Variants in SGCZ observed in about 807,000 individuals in gnomAD.
The protein encoded by SGCZ is sarcoglycan zeta, also known as zeta-sarcoglycan.
SGCZ carries 40 observed loss-of-function variants against 41.3 expected under a neutral mutation model. The ratio of observed to expected loss-of-function variants is 0.97; its 90% CI spans 0.75 to 1.26. SGCZ has a LOEUF of 1.26. SGCZ is among the 50% of genes most tolerant of loss of function. The probability of loss-of-function intolerance (pLI) is 0.00; values close to 1 mark genes in which losing one functional copy is unlikely to be tolerated. For missense variants in SGCZ, 552 were observed against 369.8 expected, an observed-to-expected ratio of 1.49 and a Z score of -4.04; for synonymous variants, 206 against 137.5, an observed-to-expected ratio of 1.50 and a Z score of -3.49.
At chr8:14,597,930 C>A (rs1259363384) in intron 1 of SGCZ, among the ~76,000 whole-genome samples, 2 of 152,142 alleles carry the variant, frequency 1.3e-5, no homozygotes, top group East Asian at 3.8e-4. Context: ...CTACAACCAT[C>A]TCAATATTTA....
intron 5 of SGCZ, among the ~76,000 whole-genome samples, chr8:14,150,306 T>C (rs1803660270): frequency 6.6e-6 from 1 of 152,092 alleles, no homozygotes; most frequent in Admixed American, 6.6e-5. Context: ...ATAACCAGAA[T>C]ACATAAGGAG....
intron 2 of SGCZ, among the ~76,000 whole-genome samples, chr8:14,382,312 T>C (rs2117193955): frequency 6.6e-6 from 1 of 152,226 alleles, no homozygotes; most frequent in Middle Eastern, 3.4e-3. Context: ...TCTGCACCAG[T>C]ATTGATTGTT....
At chr8:14,345,518 T>G (rs1453879798) in intron 2 of SGCZ, among the ~76,000 whole-genome samples, 2 of 152,128 alleles carry the variant, frequency 1.3e-5, no homozygotes. Context: ...AAACACATTA[T>G]CTCTGCAGTT....
At chr8:14,107,936 C>T (rs941813123) in intron 6 of SGCZ, among the ~76,000 whole-genome samples, 1 of 152,180 alleles carries the variant, frequency 6.6e-6, no homozygotes, top group African/African-American at 2.4e-5. Flanking sequence ...AGCCACCGTG[C>T]CCGGCCTCAG....
intron 1 of SGCZ, among the ~76,000 whole-genome samples, chr8:14,694,345 T>A (rs1463768136): frequency 1.3e-5 from 2 of 152,230 alleles, no homozygotes; most frequent in African/African-American, 4.8e-5. Context: ...AGGCAAAGAA[T>A]CTATTTTTCT....
chr8:14,441,350 G>A (rs1476355835), intron 2 of SGCZ, among the ~76,000 whole-genome samples: 1 of 152,136 alleles, frequency 6.6e-6, no homozygotes, highest in Non-Finnish European at 1.5e-5. Flanking sequence ...GCCAAGACAG[G>A]TGGATCACGA....
At chr8:14,891,441 G>C (rs1434883988) in intron 1 of SGCZ, among the ~76,000 whole-genome samples, 1 of 152,214 alleles carries the variant, frequency 6.6e-6, no homozygotes, top group Non-Finnish European at 1.5e-5. Flanking sequence ...ACTAGAATTA[G>C]AAGTAGAGCC....
chr8:14,694,526 A>G (rs1478798007), intron 1 of SGCZ, among the ~76,000 whole-genome samples: 2 of 152,140 alleles, frequency 1.3e-5, no homozygotes, highest in Non-Finnish European at 2.9e-5. Context: ...TGCAGAGTAA[A>G]AATTTGATCC....
At chr8:15,007,608 T>C (rs1474188655) in intron 1 of SGCZ, among the ~76,000 whole-genome samples, 1 of 152,238 alleles carries the variant, frequency 6.6e-6, no homozygotes, top group Admixed American at 6.5e-5. Flanking sequence ...TCCTGATATA[T>C]TTTAAGTTCT....
In SGCZ at chr8:14,794,129, C is replaced by G. The variant is rs192559505; in HGVS notation, c.40-239203G>C. ...GTTCAAAAATCAATATATTCAACTC[C>G]TATAATTTGAGCTTTATACCAGCTA... On this transcript the variant is annotated intron_variant, in intron 1 of 7. Coordinates refer to ENST00000382080, the MANE Select transcript of SGCZ (RefSeq NM_139167.4). Among the ~76,000 whole-genome samples, 452 of 152,206 alleles carry G rather than the reference C, an allele frequency of 3.0e-3. 2 individuals are homozygous for G. The highest frequency in any genetic ancestry group is 4.1e-3 in the Non-Finnish European group (279 of 68,004).
At chr8:14,875,636 A>C (rs1804329303) in intron 1 of SGCZ, among the ~76,000 whole-genome samples, 2 of 152,172 alleles carry the variant, frequency 1.3e-5, no homozygotes, top group Non-Finnish European at 2.9e-5. Flanking sequence ...TGTAAAGTGA[A>C]AGGCTAGGAC....
chr8:15,129,737 C>A, intron 1 of SGCZ, among the ~76,000 whole-genome samples: 1 of 138,722 alleles, frequency 7.2e-6, no homozygotes, highest in African/African-American at 2.6e-5. Flanking sequence ...CACAGTTCTT[C>A]CTTCAATTTC....
At chr8:14,138,512 C>CA (rs34148689) in intron 5 of SGCZ, among the ~76,000 whole-genome samples, 182 of 63,410 alleles carry the variant, frequency 2.9e-3, no homozygotes, top group Middle Eastern at 0.015. Context: ...AAAGGGAAAA[C>CA]AAAAAAAAAA....
intron 2 of SGCZ, among the ~76,000 whole-genome samples, chr8:14,537,247 T>C (rs550861431): frequency 2.0e-3 from 303 of 151,988 alleles, no homozygotes; most frequent in Non-Finnish European, 3.4e-3. Flanking sequence ...GGAGCACACA[T>C]GAACTGCATT....
At chr8:14,947,562 C>G (rs1800493229) in intron 1 of SGCZ, among the ~76,000 whole-genome samples, 1 of 152,164 alleles carries the variant, frequency 6.6e-6, no homozygotes, top group Non-Finnish European at 1.5e-5. Context: ...CACTTTATAA[C>G]TGCACTGAAT....
At chr8:15,072,144 T>A (rs1277436378) in intron 1 of SGCZ, among the ~76,000 whole-genome samples, 1 of 152,042 alleles carries the variant, frequency 6.6e-6, no homozygotes, top group Non-Finnish European at 1.5e-5. Context: ...CTGGTCTTTA[T>A]TTTCTAGGCA....
At chr8:14,677,907 T>C (rs952517584) in intron 1 of SGCZ, among the ~76,000 whole-genome samples, 3 of 152,212 alleles carry the variant, frequency 2.0e-5, no homozygotes, top group South Asian at 2.1e-4. Flanking sequence ...TAGTATTTAC[T>C]ATAAAGCTAT....
chr8:14,100,620 A>AAT (rs1359418366), intron 7 of SGCZ, among the ~76,000 whole-genome samples: 2 of 147,934 alleles, frequency 1.4e-5, no homozygotes, highest in Non-Finnish European at 3.0e-5. Flanking sequence ...TTAATATATT[A>AAT]ATATATTTTC....
chr8:14,628,846 A>T (rs1323488840), intron 1 of SGCZ, among the ~76,000 whole-genome samples: 1 of 152,124 alleles, frequency 6.6e-6, no homozygotes, highest in East Asian at 1.9e-4. Flanking sequence ...TTGGCTACAC[A>T]GCCTGGACCT....
Sources: allele counts gnomAD v4.1 joint callset (sites outside exome capture counted in the v4.1 genomes callset), GRCh38; gene constraint gnomAD v4.1.1; transcripts MANE v1.5; gene names NCBI Gene and HGNC (gene_info 2026-07-23, HGNC 2026-07-21).